SYNE1: variants seen among roughly 807,000 people sequenced by gnomAD.
The protein encoded by SYNE1 is spectrin repeat containing nuclear envelope protein 1.
A neutral mutation model predicts 1,111.0 loss-of-function variants in SYNE1; 616 were observed. The observed-to-expected ratio is 0.55, with a 90% CI of 0.52 to 0.59. The LOEUF is 0.59. Among genes scored for constraint, SYNE1 ranks in the 20% least tolerant of loss-of-function variants. The pLI is 0.00. For missense variants in SYNE1, 10,006 were observed against 10,417.0 expected, an observed-to-expected ratio of 0.96 and a Z score of 1.72; for synonymous variants, 3,855 against 3,825.8, an observed-to-expected ratio of 1.01 and a Z score of -0.28.
chr6:152,502,889 G>T, intron 9 of SYNE1, 147 bp from the exon 10 acceptor site: 1 of 636,336 alleles, frequency 1.6e-6, no homozygotes, highest in South Asian at 1.9e-5. Flanking sequence ...CGGGGAGGAG[G>T]GTAAACCAAA....
Position 152,449,559 on chromosome 6 carries a change from G to T in SYNE1, c.3478C>A (p.His1160Asn). ...TCAACGGCACGTTTAACCTCTCCGT[G>T]GTTGGCAGTATCGATGGCCTCACCC... ...IKGEAIDTAN[H>N]GEVKRAVEEI... is the part of the protein sequence containing the mutation. Residue 1160 changes from histidine (H) to asparagine (N), a missense_variant, in exon 28 of 146, where the codon CAC becomes AAC. Coordinates refer to ENST00000367255, the MANE Select transcript of SYNE1 (RefSeq NM_182961.4). The T allele has an allele frequency of 9.9e-6, 16 of 1,613,992 alleles. No individual in the cohort carries two copies. The highest frequency in any genetic ancestry group is 1.4e-5 in the Non-Finnish European group (16 of 1,179,944).
At chr6:152,510,908 G>T in intron 7 of SYNE1, 103 bp downstream of exon 7, 1 of 1,056,782 alleles carries the variant, frequency 9.5e-7, no homozygotes, top group Non-Finnish European at 1.5e-6. Context: ...CTAAGTTAAG[G>T]ATCAACCCCA....
chr6:152,472,208 T>TAA, intron 15 of SYNE1, 93 bp downstream of exon 15: 1 of 1,135,572 alleles, frequency 8.8e-7, no homozygotes, highest in Non-Finnish European at 1.3e-6. Context: ...GCGCCTCTGT[T>TAA]AAAAAAAAAT....
At chr6:152,580,746 G>A (rs1328346536) in intron 3 of SYNE1, among the ~76,000 whole-genome samples, 2 of 152,094 alleles carry the variant, frequency 1.3e-5, no homozygotes, top group East Asian at 3.9e-4. Context: ...CAGTATTTAA[G>A]TCTTCTAGCT....
Position 152,471,757 on chromosome 6 carries a change from A to C in SYNE1, c.1472T>G (p.Phe491Cys). The C allele has an allele frequency of 2.5e-6, 4 of 1,613,618 alleles. No homozygotes were observed. Among genetic ancestry groups the C allele is most frequent in the Non-Finnish European group, 3.4e-6 (4 of 1,179,622 alleles). ...QLEDMAERFH[F>C]VSSTSELHLM... The stretch of plus-strand genomic sequence containing the variant: ...GTGTAGCTCTGATGTGGAGGAAACA[A>C]AATGAAACCTAGAAATAAAACAGGG... The change falls in exon 16 of 146, where the codon TTT becomes TGT. Residue 491 changes from phenylalanine (F) to cysteine (C), a missense_variant. Physicochemically the swap from Phe to Cys is radical, Grantham distance 205. Around this residue, in one of 7 missense-constraint regions of SYNE1, gnomAD observed 1,971 missense variants for 2,084.1 expected, o/e 0.95. Coordinates refer to ENST00000367255, the MANE Select transcript of SYNE1 (RefSeq NM_182961.4).
chr6:152,256,383 T>G (rs1160757912), intron 102 of SYNE1, among the ~76,000 whole-genome samples: 1 of 151,896 alleles, frequency 6.6e-6, no homozygotes, highest in South Asian at 2.1e-4. Flanking sequence ...TGAGCCGAGA[T>G]TGCACCACTG....
chr6:152,437,424 G>A (rs1361647272), intron 32 of SYNE1, among the ~76,000 whole-genome samples: 1 of 152,036 alleles, frequency 6.6e-6, no homozygotes, highest in Non-Finnish European at 1.5e-5. Context: ...CATTCTATTA[G>A]CAATCTTACT....
At chr6:152,126,278 C>T (rs1333803439) in intron 145 of SYNE1, 1 of 152,098 alleles carries the variant, frequency 6.6e-6, no homozygotes, top group Non-Finnish European at 1.5e-5. Flanking sequence ...TTCAACATGC[C>T]CAAAGCTGCC....
intron 28 of SYNE1, among the ~76,000 whole-genome samples, chr6:152,448,794 A>G (rs141284820): frequency 6.6e-6 from 1 of 152,284 alleles, no homozygotes; most frequent in Non-Finnish European, 1.5e-5. Context: ...GTGAGCTATG[A>G]AGGTGCCACT....
At chr6:152,532,014 C>A (rs2099205028) in intron 4 of SYNE1, among the ~76,000 whole-genome samples, 1 of 152,010 alleles carries the variant, frequency 6.6e-6, no homozygotes, top group Non-Finnish European at 1.5e-5. Context: ...AGATATATAC[C>A]CAGAAGTGGA....
intron 95 of SYNE1, 107 bp downstream of exon 95, chr6:152,293,481 T>G: frequency 7.6e-7 from 1 of 1,313,620 alleles, no homozygotes; most frequent in Non-Finnish European, 1.1e-6. Flanking sequence ...GGTTAAAAAA[T>G]TTTTAAAAAG....
intron 32 of SYNE1, among the ~76,000 whole-genome samples, chr6:152,439,279 CAT>C (rs765449137): frequency 1.2e-4 from 18 of 152,278 alleles, no homozygotes; most frequent in Non-Finnish European, 2.1e-4. Flanking sequence ...CAAATGGAAT[CAT>C]AGGGGGTCAG....
At chr6:152,129,030 T>C (rs1471046494) in intron 145 of SYNE1, 1 of 152,228 alleles carries the variant, frequency 6.6e-6, no homozygotes. Flanking sequence ...CTCAGAAAGA[T>C]GTTAATGAAC....
chr6:152,379,677 T>A (rs1239521095), intron 56 of SYNE1, among the ~76,000 whole-genome samples: 1 of 152,216 alleles, frequency 6.6e-6, no homozygotes, highest in African/African-American at 2.4e-5. Flanking sequence ...TCAAAAGCAT[T>A]GACCCTGGAG....
chr6:152,253,847 T>TG (rs2090130763), intron 104 of SYNE1, among the ~76,000 whole-genome samples: 1 of 106,146 alleles, frequency 9.4e-6, no homozygotes, highest in Non-Finnish European at 1.8e-5. Flanking sequence ...TTTTTTTTTT[T>TG]TTTTTTTTTT....
chr6:152,465,516 C>CT, intron 17 of SYNE1, 56 bp from the exon 18 acceptor site: 8 of 1,512,574 alleles, frequency 5.3e-6, no homozygotes, highest in South Asian at 1.2e-5. Context: ...TCCTCTACAC[C>CT]TTTTTTTCTA....
chr6:152,255,129 A>G (rs1020549522), intron 103 of SYNE1, 40 bp from the exon 104 acceptor site: 34 of 1,452,032 alleles, frequency 2.3e-5, no homozygotes, highest in Non-Finnish European at 2.8e-5. Flanking sequence ...GTTTAGATAC[A>G]TGAATTGATA....
At chr6:152,136,486 G>A (rs1278093818) in intron 141 of SYNE1, 132 bp downstream of exon 141, 3 of 1,094,306 alleles carry the variant, frequency 2.7e-6, no homozygotes, top group East Asian at 2.6e-5. Flanking sequence ...TTGGGCACAA[G>A]GTTATCTCAC....
At chr6:152,152,414 C>T (rs770060679) in intron 133 of SYNE1, among the ~76,000 whole-genome samples, 5 of 152,156 alleles carry the variant, frequency 3.3e-5, no homozygotes, top group Non-Finnish European at 7.4e-5. Context: ...TATAGACACA[C>T]ACACATACAT....
Sources: gnomAD v4.1 joint callset for allele counts (sites outside exome capture counted in the v4.1 genomes callset) on GRCh38, gnomAD v4.1.1 for gene constraint, gnomAD v4.1.1 regional missense constraint, MANE v1.5 for transcripts, NCBI Gene and HGNC (gene_info 2026-07-23, HGNC 2026-07-21) for gene names.